NPPC: variants seen among roughly 807,000 people sequenced by gnomAD.
The protein encoded by NPPC is natriuretic peptide C, also known as C-type natriuretic peptide.
In NPPC, 4 loss-of-function variants were observed where a neutral mutation model predicts 10.2. The ratio of observed to expected loss-of-function variants is 0.39; its 90% CI spans 0.19 to 0.90. The LOEUF is 0.90. Among genes scored for constraint, NPPC ranks in the 40% least tolerant of loss-of-function variants. NPPC has a pLI of 0.37. For synonymous variants in NPPC, 83 were observed against 87.3 expected (o/e 0.95, Z 0.27); for missense variants, 182 against 173.8 (o/e 1.05, Z -0.26).
rs1046047535 is a variant in NPPC, at chr2:231,925,680, C to T, written c.126G>A (p.Glu42=). Residue 42 remains glutamate, a synonymous_variant, in exon 2 of 3, where the codon GAG becomes GAA. Coordinates refer to ENST00000409852, the MANE Select transcript of NPPC (RefSeq NM_024409.4). ...TCTGACCGCCGCCCGCAGCCTGCGG[C>T]TCGGCCAGCTCCTCTGCCGGCGGGG... ...PRTPPAEELA[E]PQAAGGGQKK... The T allele has an allele frequency of 6.3e-7, 1 of 1,592,744 alleles. No individual in the cohort carries two copies. Among genetic ancestry groups the T allele is most frequent in the Non-Finnish European group, 8.5e-7 (1 of 1,172,618 alleles).
intron 2 of NPPC, among the ~76,000 whole-genome samples, chr2:231,924,026 G>A (rs1574750120): frequency 6.6e-6 from 1 of 152,326 alleles, no homozygotes; most frequent in Admixed American, 6.5e-5. Context: ...CCCTGTGCAG[G>A]GGAGAGTCAA....
rs763709949 is a variant in NPPC at position 231,925,717 on chromosome 2, T to C, written c.91-2A>G. 1.9e-5 allele frequency: 30 copies of C among 1,557,488 alleles called. No individual in the cohort carries two copies. Among genetic ancestry groups the C allele is most frequent in the Non-Finnish European group, 4.3e-6 (5 of 1,156,932 alleles). On this transcript the variant is annotated splice_acceptor_variant, in intron 1 of 2. Transcript: ENST00000409852. LOFTEE classifies it high-confidence loss of function. ...CTCTGCCGGCGGGGTTCGCGGGACC[T>C]GTCCGAGGAAAGAGCGGGCAGGTGA...
intron 2 of NPPC, among the ~76,000 whole-genome samples, chr2:231,922,590 C>T (rs1446418023): frequency 6.6e-6 from 1 of 152,224 alleles, no homozygotes; most frequent in Non-Finnish European, 1.5e-5. Context: ...CAGGCCTTGC[C>T]CTTGGCACTC....
Position 231,926,246 on chromosome 2 carries a change from G to A in NPPC, c.4C>T (p.His2Tyr). M[H>Y]LSQLLACALL... Reference sequence around the variant, plus strand: ...GCGCAGGCCAGCAGCTGGGAGAGATGCATGGTGCCGCTGGGGTCGAGGGGC... The same window carrying A: ...GCGCAGGCCAGCAGCTGGGAGAGATACATGGTGCCGCTGGGGTCGAGGGGC... Residue 2 changes from histidine (H) to tyrosine (Y), a missense_variant, in exon 1 of 3, where the codon CAT becomes TAT. By Grantham distance (83) the His-to-Tyr change is moderately conservative. Coordinates refer to ENST00000409852, the MANE Select transcript of NPPC (RefSeq NM_024409.4). 1 of 1,309,602 alleles carries A rather than the reference G, an allele frequency of 7.6e-7. No individual in the cohort carries two copies. The highest frequency in any genetic ancestry group is 2.4e-5 in the South Asian group (1 of 41,418). The allele number at this position is 1,309,602 out of a possible 1,614,324, so 81.1% of individuals were successfully genotyped here.
rs1358206673 is a variant in NPPC, at chr2:231,926,361, G to C, written c.-112C>G. On this transcript the variant is annotated 5_prime_UTR_variant, in exon 1 of 3. Transcript: ENST00000409852. ...CTGGCTGGGCTGCAGGGCGAGCAGG[G>C]TCCCAGTGCTGCGCGGCGCCGGCTG... 1.6e-6 allele frequency: 1 copy of C among 625,294 alleles called. No individual in the cohort carries two copies. The highest frequency in any genetic ancestry group is 7.7e-5 in the South Asian group (1 of 12,912). The allele number at this position is 625,294 out of a possible 1,614,324, so 38.7% of individuals were successfully genotyped here. A position where few individuals can be genotyped will look rare whatever the true frequency, so the allele number is the denominator to read the frequency against.
Position 231,925,451 on chromosome 2 carries a change from C to T in NPPC, c.355G>A (p.Gly119Ser). 2 of 1,609,330 alleles carry T rather than the reference C, an allele frequency of 1.2e-6. No homozygotes were observed. The highest frequency in any genetic ancestry group is 1.7e-6 in the Non-Finnish European group (2 of 1,178,064). The change falls in exon 2 of 3, where the codon GGC (glycine) becomes AGC (serine). Residue 119 changes from glycine to serine, a missense_variant. Coordinates refer to ENST00000409852, the MANE Select transcript of NPPC (RefSeq NM_024409.4). ...TAACATCCCAGGCCGCTCATGGAGCCGATTCGGTCCAGCTTGAGGCCGAAG... is the reference window on the plus strand; with the variant it reads ...TAACATCCCAGGCCGCTCATGGAGCTGATTCGGTCCAGCTTGAGGCCGAAG... ...GCFGLKLDRIGSMSGLGC is the reference protein window; with the variant it reads ...GCFGLKLDRISSMSGLGC
chr2:231,922,861 A>T (rs1691948613), intron 2 of NPPC, among the ~76,000 whole-genome samples: 1 of 152,206 alleles, frequency 6.6e-6, no homozygotes. Context: ...TTCAGATTCA[A>T]CAGGGAGCCT....
intron 2 of NPPC, among the ~76,000 whole-genome samples, chr2:231,924,160 G>A (rs573949011): frequency 6.6e-6 from 1 of 152,216 alleles, no homozygotes; most frequent in African/African-American, 2.4e-5. Context: ...CATGGGCCAG[G>A]GTGTGCTGGT....
chr2:231,926,140 G>A lies in NPPC; in HGVS notation c.90+20C>T, dbSNP rs373311319. The A allele has an allele frequency of 3.9e-6, 5 of 1,276,336 alleles. No homozygotes were observed. The highest frequency in any genetic ancestry group is 5.8e-5 in the South Asian group (2 of 34,510). The allele number at this position is 1,276,336 out of a possible 1,614,324, so 79.1% of individuals were successfully genotyped here. A position where few individuals can be genotyped will look rare whatever the true frequency, so the allele number is the denominator to read the frequency against. On this transcript the variant is annotated intron_variant, in intron 1 of 2. Coordinates refer to ENST00000409852, the MANE Select transcript of NPPC (RefSeq NM_024409.4). ...CTCCCACGCCTCTCCCAGGCTCGGC[G>A]TCCCCACGACAGCACCCACCTTCGG... is the stretch of plus-strand genomic sequence containing the variant.
At position 231,926,061 on chromosome 2, in the gene NPPC, G is replaced by T. The variant is rs180801410; in HGVS notation, c.90+99C>A. On this transcript the variant is annotated intron_variant, in intron 1 of 2. Coordinates refer to ENST00000409852, the MANE Select transcript of NPPC (RefSeq NM_024409.4). The stretch of plus-strand genomic sequence containing the variant: ...CACGCGCATCTCGGAGGAGACAGCC[G>T]CCTGCCTTCCCTCTCTCCTGGGTCC... The T allele has an allele frequency of 6.1e-6, 6 of 977,260 alleles. No homozygotes were observed. The African/African-American group carries it at 6.9e-5, about 11-fold the overall frequency. The allele number at this position is 977,260 out of a possible 1,614,324, so 60.5% of individuals were successfully genotyped here.
In NPPC at chr2:231,925,481, C is replaced by T. The variant is rs753403320; in HGVS notation, c.325G>A (p.Gly109Ser). The change falls in exon 2 of 3, where the codon GGC (glycine) becomes AGC (serine). Residue 109 changes from glycine to serine, a missense_variant. By Grantham distance (56) the Gly-to-Ser change is moderately conservative (BLOSUM62 0). Transcript: ENST00000409852. ...CGGTCCAGCTTGAGGCCGAAGCAGC[C>T]CTTGGACAAGCCCTTCTTGTTGGCT... ...KGANKKGLSK[G>S]CFGLKLDRIG... The T allele has an allele frequency of 6.2e-6, 10 of 1,612,842 alleles. No individual in the cohort carries two copies. In the South Asian group the frequency reaches 9.9e-5, roughly 16 times the overall value.
chr2:231,924,400 C>G (rs185316423), intron 2 of NPPC, among the ~76,000 whole-genome samples: 17 of 152,372 alleles, frequency 1.1e-4, no homozygotes, highest in African/African-American at 3.4e-4. Flanking sequence ...GGGGAGGAGA[C>G]AGCAGCTTGC....
At chr2:231,923,506 C>T (rs1415462001) in intron 2 of NPPC, among the ~76,000 whole-genome samples, 1 of 152,198 alleles carries the variant, frequency 6.6e-6, no homozygotes, top group Non-Finnish European at 1.5e-5. Context: ...TGCTCTCTCA[C>T]TGGGAATGGG....
chr2:231,924,223 C>A (rs927294743), intron 2 of NPPC, among the ~76,000 whole-genome samples: 2 of 152,198 alleles, frequency 1.3e-5, no homozygotes, highest in South Asian at 4.1e-4. Flanking sequence ...TGCAGTGGGT[C>A]CTAGAGTGCC....
chr2:231,925,497 C>T lies in NPPC; in HGVS notation c.309G>A (p.Lys103=), dbSNP rs1407840769. The change falls in exon 2 of 3, where the codon AAG becomes AAA. Residue 103 remains lysine, a synonymous_variant. Coordinates refer to ENST00000409852, the MANE Select transcript of NPPC (RefSeq NM_024409.4). ...CGAAGCAGCCCTTGGACAAGCCCTT[C>T]TTGTTGGCTCCTTTGTATTTGCGCG... ...PNARKYKGAN[K]KGLSKGCFGL... is the part of the protein sequence containing the mutation. 6.2e-7 allele frequency: 1 copy of T among 1,613,110 alleles called. No individual in the cohort carries two copies. The highest frequency in any genetic ancestry group is 1.3e-5 in the African/African-American group (1 of 75,020).
chr2:231,923,581 C>T (rs780522330), intron 2 of NPPC, among the ~76,000 whole-genome samples: 1 of 152,210 alleles, frequency 6.6e-6, no homozygotes, highest in African/African-American at 2.4e-5. Flanking sequence ...CCACACCGCC[C>T]TTCCCAAATA....
intron 1 of NPPC, 56 bp downstream of exon 1, chr2:231,926,104 A>G (rs1289211522): frequency 4.5e-5 from 54 of 1,204,978 alleles, no homozygotes; most frequent in Non-Finnish European, 5.6e-5. Context: ...CGCATTCTCC[A>G]AGCCCCCAGC....
rs902905386 is a variant in NPPC, at chr2:231,921,933, T to C, written c.*403A>G. The C allele has an allele frequency of 1.8e-4, 28 of 151,880 alleles. No individual in the cohort carries two copies. Among genetic ancestry groups the C allele is most frequent in the African/African-American group, 6.5e-4 (27 of 41,416 alleles). 9.4% of individuals were successfully genotyped at this position (151,880 alleles called of 1,614,324 possible). On this transcript the variant is annotated 3_prime_UTR_variant, in exon 3 of 3. Coordinates refer to ENST00000409852, the MANE Select transcript of NPPC (RefSeq NM_024409.4). ...TAAATAAAATTTTTATAAATATCTC[T>C]TTATAAACAATATAAATAGCTTTAC...
intron 2 of NPPC, 115 bp downstream of exon 2, chr2:231,925,290 T>C (rs1691986780): frequency 1.2e-6 from 1 of 842,878 alleles, no homozygotes; most frequent in Non-Finnish European, 1.7e-6. Context: ...AGGGGGCGGC[T>C]GGCAAACGCC....
Sources: allele counts gnomAD v4.1 joint callset (sites outside exome capture counted in the v4.1 genomes callset), GRCh38; gene constraint gnomAD v4.1.1; transcripts MANE v1.5; gene names NCBI Gene and HGNC (gene_info 2026-07-23, HGNC 2026-07-21).